CEP290: variants seen among roughly 807,000 people sequenced by gnomAD.
CEP290 encodes centrosomal protein of 290 kDa.
CEP290 carries 317 observed loss-of-function variants against 344.9 expected under a neutral mutation model. That is an observed-to-expected ratio of 0.92 (90% CI 0.84 to 1.01). The LOEUF is 1.01. CEP290 is among the 50% of genes least tolerant of loss of function. The pLI is 0.00. For synonymous variants in CEP290, 932 were observed against 895.8 expected, an observed-to-expected ratio of 1.04 and a Z score of -0.72; for missense variants, 2,754 against 2,761.4, an observed-to-expected ratio of 1.00 and a Z score of 0.06.
At chr12:88,107,855 T>C (rs914679796) in intron 23 of CEP290, among the ~76,000 whole-genome samples, 2 of 150,256 alleles carry the variant, frequency 1.3e-5, no homozygotes, top group East Asian at 2.0e-4. Context: ...TGAGCCAAGA[T>C]AGCGCCACTG....
intron 39 of CEP290, among the ~76,000 whole-genome samples, chr12:88,078,519 G>A (rs1477730683): frequency 6.6e-6 from 1 of 152,080 alleles, no homozygotes; most frequent in Non-Finnish European, 1.5e-5. Context: ...GTGAGGTGCA[G>A]AGGAAGGAAT....
chr12:88,080,671 A>T (rs1048078334), intron 37 of CEP290, among the ~76,000 whole-genome samples: 4 of 152,124 alleles, frequency 2.6e-5, no homozygotes, highest in African/African-American at 9.7e-5. Flanking sequence ...TCAGGTGATA[A>T]GCCCGCTTTG....
chr12:88,086,703 C>CCA (rs1232126899), intron 32 of CEP290, among the ~76,000 whole-genome samples: 118 of 147,034 alleles, frequency 8.0e-4, no homozygotes, highest in South Asian at 1.8e-3. Flanking sequence ...GGATTTCAGT[C>CCA]TATCCATCCA....
intron 53 of CEP290, 190 bp downstream of exon 53, chr12:88,050,164 T>C (rs763153543): frequency 4.3e-6 from 2 of 469,784 alleles, no homozygotes; most frequent in Non-Finnish European, 7.4e-6. Context: ...AATCCTATGT[T>C]GAGTCTGAAT....
At chr12:88,128,229 A>T (rs939521249) in intron 11 of CEP290, among the ~76,000 whole-genome samples, 1 of 152,170 alleles carries the variant, frequency 6.6e-6, no homozygotes, top group African/African-American at 2.4e-5. Context: ...CTGATTCTAT[A>T]GGCCTTATTT....
chr12:88,092,621 T>A lies in CEP290; in HGVS notation c.3461+60A>T, dbSNP rs1002189314. 6.7e-6 allele frequency: 10 copies of A among 1,489,856 alleles called. No individual in the cohort carries two copies. The Middle Eastern group carries it at 7.1e-4, about 106-fold the overall frequency. The allele number at this position is 1,489,856 out of a possible 1,614,324, so 92.3% of individuals were successfully genotyped here. Reference sequence around the variant, plus strand: ...ATTGTATACCTGTAATTGGGTTTCTTAAAGACAAATTAAAGAAGATACATC... The same window carrying A: ...ATTGTATACCTGTAATTGGGTTTCTAAAAGACAAATTAAAGAAGATACATC... On this transcript the variant is annotated intron_variant, in intron 29 of 53. Transcript: ENST00000552810.
intron 23 of CEP290, among the ~76,000 whole-genome samples, chr12:88,108,766 A>G (rs947018085): frequency 6.6e-6 from 1 of 152,216 alleles, no homozygotes; most frequent in Non-Finnish European, 1.5e-5. Context: ...TATTACTTAC[A>G]AAGTAACTTA....
intron 23 of CEP290, among the ~76,000 whole-genome samples, chr12:88,108,805 T>A (rs2038470657): frequency 6.6e-6 from 1 of 152,118 alleles, no homozygotes; most frequent in African/African-American, 2.4e-5. Context: ...CACAGATAGG[T>A]AAGATGACTT....
rs2036432998 is a variant in CEP290 at position 88,084,568 on chromosome 12, CATAAT to C, written c.4704+13_4704+17del. 3.8e-6 allele frequency: 6 copies of C among 1,590,060 alleles called. No individual in the cohort carries two copies. Among genetic ancestry groups the C allele is most frequent in the Admixed American group, 1.7e-5 (1 of 59,448 alleles). On this transcript the variant is annotated intron_variant, in intron 35 of 53. Transcript: ENST00000552810. ...AAAACTAATGGATAACAGCATAACT[CATAAT>C]ATAATAAAATACCTCTCTGGCTTTT... is the stretch of plus-strand genomic sequence containing the variant.
chr12:88,094,639 G>T (rs2037296963), intron 27 of CEP290, among the ~76,000 whole-genome samples: 1 of 151,236 alleles, frequency 6.6e-6, no homozygotes, highest in African/African-American at 2.4e-5. Context: ...CCATAAAAAG[G>T]CATCGCATAG....
intron 17 of CEP290, 119 bp downstream of exon 17, chr12:88,118,364 T>G: frequency 1.2e-5 from 9 of 761,398 alleles, no homozygotes; most frequent in Non-Finnish European, 1.9e-5. Context: ...TTGTCATTTA[T>G]TAAATTTGTA....
chr12:88,080,610 AG>A (rs2079992046), intron 37 of CEP290, among the ~76,000 whole-genome samples: 1 of 151,970 alleles, frequency 6.6e-6, no homozygotes, highest in South Asian at 2.1e-4. Flanking sequence ...TTGTATTTTT[AG>A]TAGAGATGGG....
chr12:88,127,891 T>C (rs1163659965), intron 11 of CEP290, among the ~76,000 whole-genome samples: 1 of 152,144 alleles, frequency 6.6e-6, no homozygotes, highest in East Asian at 1.9e-4. Flanking sequence ...AGCAATACTA[T>C]ACGTACTGAT....
At chr12:88,130,776 G>A (rs2040020141) in intron 7 of CEP290, among the ~76,000 whole-genome samples, 1 of 151,936 alleles carries the variant, frequency 6.6e-6, no homozygotes, top group Non-Finnish European at 1.5e-5. Flanking sequence ...AATAAACAAT[G>A]TACAAACATT....
At position 88,050,347 on chromosome 12, in the gene CEP290, AT is replaced by A; in HGVS notation, c.7209+6del. 1 of 1,382,556 alleles carries A rather than the reference AT, an allele frequency of 7.2e-7. No homozygotes were observed. The highest frequency in any genetic ancestry group is 1.0e-6 in the Non-Finnish European group (1 of 985,920). The allele number at this position is 1,382,556 out of a possible 1,614,324, so 85.6% of individuals were successfully genotyped here. A position where few individuals can be genotyped will look rare whatever the true frequency, so the allele number is the denominator to read the frequency against. ...CAAAACGATACTAAAATATAATTAA[AT>A]ATTACCTTCAAATGCTGCTTTTCTA... On this transcript the variant is annotated splice_donor_region_variant and intron_variant, in intron 53 of 53. Transcript: ENST00000552810.
intron 37 of CEP290, among the ~76,000 whole-genome samples, 161 bp downstream of exon 37, chr12:88,082,870 T>C (rs992352458): frequency 6.6e-6 from 1 of 152,076 alleles, no homozygotes; most frequent in Non-Finnish European, 1.5e-5. Context: ...CTCTTTAAAA[T>C]GGGGAAAATG....
intron 41 of CEP290, among the ~76,000 whole-genome samples, chr12:88,073,877 T>C (rs1295808940): frequency 6.6e-6 from 1 of 152,240 alleles, no homozygotes; most frequent in Non-Finnish European, 1.5e-5. Flanking sequence ...TTGTCTCTAA[T>C]ACTAGTCAAT....
chr12:88,126,933 C>T (rs1592662270), intron 11 of CEP290, among the ~76,000 whole-genome samples: 1 of 151,964 alleles, frequency 6.6e-6, no homozygotes, highest in South Asian at 2.1e-4. Context: ...TAAAAATCCA[C>T]AAGATATTTT....
chr12:88,084,961 ACAT>A (rs1373067287), intron 34 of CEP290, 109 bp from the exon 35 acceptor site: 2 of 826,556 alleles, frequency 2.4e-6, no homozygotes, highest in African/African-American at 1.7e-5. Flanking sequence ...TTTATTTTTC[ACAT>A]CATATGTACA....
Sources: allele counts gnomAD v4.1 joint callset (sites outside exome capture counted in the v4.1 genomes callset), GRCh38; gene constraint gnomAD v4.1.1; transcripts MANE v1.5; gene names NCBI Gene and HGNC (gene_info 2026-07-23, HGNC 2026-07-21).